ZNF664: variants seen among roughly 807,000 people sequenced by gnomAD.
The protein encoded by ZNF664 is zinc finger Organ of Corti 1.
Under a neutral mutation model 18.2 loss-of-function variants are expected in ZNF664, and 10 were observed. That is an observed-to-expected ratio of 0.55 (90% CI 0.34 to 0.93). ZNF664 has a LOEUF of 0.93. ZNF664 is among the 40% of genes least tolerant of loss of function. The pLI is 0.02. For missense variants in ZNF664, 193 were observed against 319.0 expected, an observed-to-expected ratio of 0.61 and a Z score of 3.01; for synonymous variants, 119 against 104.2, an observed-to-expected ratio of 1.14 and a Z score of -0.86.
intron 2 of ZNF664, among the ~76,000 whole-genome samples, chr12:123,976,414 C>G (rs1379264758): frequency 2.0e-5 from 3 of 152,090 alleles, no homozygotes; most frequent in African/African-American, 7.2e-5. Flanking sequence ...AAAGCTTTGC[C>G]CATTCCAGGA....
At chr12:123,999,742 G>A (rs976117691) in intron 3 of ZNF664, among the ~76,000 whole-genome samples, 4 of 152,144 alleles carry the variant, frequency 2.6e-5, no homozygotes, top group East Asian at 1.9e-4. Context: ...GGCTAGAGTC[G>A]GGCAGTACAT....
intron 2 of ZNF664, 90 bp from the exon 3 acceptor site, chr12:123,987,953 C>T (rs1400104656): frequency 2.4e-6 from 3 of 1,227,620 alleles, no homozygotes; most frequent in Admixed American, 4.2e-5. Context: ...TGGGACCCCA[C>T]GTTTATAGTA....
At chr12:123,974,756 C>T (rs778094671) in intron 2 of ZNF664, among the ~76,000 whole-genome samples, 15 of 152,212 alleles carry the variant, frequency 9.9e-5, no homozygotes, top group Non-Finnish European at 2.1e-4. Flanking sequence ...CCGTAACTTT[C>T]AATGTTAGCA....
chr12:123,998,895 C>G (rs1401646984), intron 3 of ZNF664: 2 of 152,622 alleles, frequency 1.3e-5, no homozygotes, highest in African/African-American at 4.8e-5. Context: ...AATAACACCT[C>G]TCTTCCAAGT....
chr12:123,996,135 A>T lies in ZNF664; in HGVS notation c.-661+7997A>T, dbSNP rs1175848046. Among the ~76,000 whole-genome samples the T allele has an allele frequency of 2.0e-5, 3 of 152,242 alleles. No individual in the cohort carries two copies. In the East Asian group the frequency reaches 5.8e-4, roughly 29 times the overall value. On this transcript the variant is annotated intron_variant, in intron 3 of 4. Coordinates refer to ENST00000337815, the MANE Select transcript of ZNF664 (RefSeq NM_152437.3). Reference sequence around the variant, plus strand: ...TACCAGGCAGGTACATTGAAGAAAGAAAGTATGTATTGAGCTTAAGTACTA... The same window carrying T: ...TACCAGGCAGGTACATTGAAGAAAGTAAGTATGTATTGAGCTTAAGTACTA...
intron 3 of ZNF664, among the ~76,000 whole-genome samples, chr12:124,010,771 A>G (rs999672682): frequency 6.6e-6 from 1 of 152,196 alleles, no homozygotes; most frequent in African/African-American, 2.4e-5. Flanking sequence ...TGTGGGCTTT[A>G]AAGGAATCAA....
chr12:123,975,949 A>T (rs1956686138), intron 2 of ZNF664, among the ~76,000 whole-genome samples: 1 of 152,188 alleles, frequency 6.6e-6, no homozygotes, highest in Admixed American at 6.5e-5. Flanking sequence ...CAGAGTTTTA[A>T]TATTGAGATT....
At chr12:123,990,750 G>A (rs563261576) in intron 3 of ZNF664, among the ~76,000 whole-genome samples, 1 of 152,326 alleles carries the variant, frequency 6.6e-6, no homozygotes, top group East Asian at 1.9e-4. Context: ...GTCCCTTGAG[G>A]GAGACAAATC....
At chr12:123,978,395 G>A (rs536895798) in intron 2 of ZNF664, among the ~76,000 whole-genome samples, 15 of 152,254 alleles carry the variant, frequency 9.9e-5, no homozygotes, top group East Asian at 3.9e-4. Context: ...ACTAATTACC[G>A]TATAGAAAAG....
At chr12:123,986,183 C>T (rs896873361) in intron 2 of ZNF664, among the ~76,000 whole-genome samples, 2 of 152,128 alleles carry the variant, frequency 1.3e-5, no homozygotes, top group African/African-American at 2.4e-5. Flanking sequence ...CCTGGGAAAA[C>T]TTCATCTTAA....
At chr12:124,002,817 T>G (rs1226121226) in intron 3 of ZNF664, among the ~76,000 whole-genome samples, 1 of 151,928 alleles carries the variant, frequency 6.6e-6, no homozygotes, top group Non-Finnish European at 1.5e-5. Flanking sequence ...GAGATAAAAA[T>G]GGGAGCCAAC....
At chr12:123,997,136 C>T (rs552617552) in intron 3 of ZNF664, among the ~76,000 whole-genome samples, 3 of 151,958 alleles carry the variant, frequency 2.0e-5, no homozygotes, top group South Asian at 2.1e-4. Context: ...TTTTTTTGGA[C>T]GTGATTAAAG....
intron 2 of ZNF664, among the ~76,000 whole-genome samples, chr12:123,974,815 G>GTGAA (rs1212913728): frequency 6.6e-6 from 1 of 152,224 alleles, no homozygotes; most frequent in Non-Finnish European, 1.5e-5. Flanking sequence ...ATGTTCCATA[G>GTGAA]TTTCAGTATA....
At chr12:124,000,759 T>C (rs925643247) in intron 3 of ZNF664, among the ~76,000 whole-genome samples, 1 of 152,172 alleles carries the variant, frequency 6.6e-6, no homozygotes, top group Admixed American at 6.5e-5. Context: ...CAGTATGTGC[T>C]CTTCTACTTG....
At chr12:123,980,607 G>T (rs1373884335) in intron 2 of ZNF664, among the ~76,000 whole-genome samples, 1 of 151,820 alleles carries the variant, frequency 6.6e-6, no homozygotes, top group African/African-American at 2.4e-5. Context: ...CATTAAAAAC[G>T]TTTATGAAGA....
intron 3 of ZNF664, chr12:123,989,531 T>G: frequency 6.6e-6 from 1 of 152,206 alleles, no homozygotes. Flanking sequence ...GCCACTAATG[T>G]AGGGAAAAGG....
intron 3 of ZNF664, chr12:124,004,807 G>A (rs1371467906): frequency 2.0e-5 from 3 of 153,226 alleles, no homozygotes; most frequent in African/African-American, 7.2e-5. Flanking sequence ...TACACGCAAG[G>A]GATCTAGGTT....
intron 3 of ZNF664, among the ~76,000 whole-genome samples, chr12:123,995,099 G>A (rs1233705712): frequency 6.6e-6 from 1 of 152,234 alleles, no homozygotes; most frequent in African/African-American, 2.4e-5. Context: ...GGAAGCTGGT[G>A]CTCAGACAGT....
chr12:123,976,289 T>C (rs1956690862), intron 2 of ZNF664, among the ~76,000 whole-genome samples: 1 of 152,212 alleles, frequency 6.6e-6, no homozygotes, highest in Admixed American at 6.5e-5. Context: ...GACTTTTCTG[T>C]ATAAATAAGA....
Sources: allele counts gnomAD v4.1 joint callset (sites outside exome capture counted in the v4.1 genomes callset), GRCh38; gene constraint gnomAD v4.1.1; transcripts MANE v1.5; gene names NCBI Gene and HGNC (gene_info 2026-07-23, HGNC 2026-07-21).